The following SPATA16 variants were observed in gnomAD, a reference collection of about 807,000 sequenced individuals.
SPATA16 encodes the protein spermatogenesis associated 16, also known as spermatogenesis-associated protein 16.
In SPATA16, 36 loss-of-function variants were observed where a neutral mutation model predicts 63.3. That is an observed-to-expected ratio of 0.57 (90% confidence interval 0.44 to 0.75). The LOEUF is 0.75. Ranked by LOEUF, SPATA16 falls within the 30% of genes least tolerant of loss-of-function variation. SPATA16 has a pLI of 0.00. For missense variants in SPATA16, 646 were observed against 679.3 expected (o/e 0.95, Z 0.54); for synonymous variants, 203 against 216.7 (o/e 0.94, Z 0.56).
intron 5 of SPATA16, among the ~76,000 whole-genome samples, chr3:172,963,780 C>T (rs1202689145): frequency 6.6e-6 from 1 of 152,040 alleles, no homozygotes; most frequent in Non-Finnish European, 1.5e-5. Context: ...AATCACTAAA[C>T]TTTATAACTA....
At chr3:173,091,007 A>T (rs1023365556) in intron 2 of SPATA16, among the ~76,000 whole-genome samples, 1 of 152,102 alleles carries the variant, frequency 6.6e-6, no homozygotes, top group African/African-American at 2.4e-5. Flanking sequence ...ATTAGGTGGG[A>T]GGACATTGAC....
intron 4 of SPATA16, among the ~76,000 whole-genome samples, chr3:172,978,153 C>CTATATA (rs1372786357): frequency 2.0e-5 from 3 of 148,800 alleles, no homozygotes; most frequent in African/African-American, 7.6e-5. Context: ...CTCTCTCTCT[C>CTATATA]TCTCTCTCTA....
chr3:172,953,791 G>A (rs1237296172), intron 6 of SPATA16, among the ~76,000 whole-genome samples: 1 of 152,128 alleles, frequency 6.6e-6, no homozygotes, highest in Admixed American at 6.5e-5. Flanking sequence ...CAAACCACAG[G>A]GAGAAGAAAA....
chr3:173,024,482 T>A (rs1735406629), intron 3 of SPATA16, among the ~76,000 whole-genome samples: 1 of 151,010 alleles, frequency 6.6e-6, no homozygotes, highest in African/African-American at 2.4e-5. Flanking sequence ...CAAAATGATC[T>A]TGTGGACTTT....
chr3:173,008,187 G>A (rs1219980512), intron 4 of SPATA16, among the ~76,000 whole-genome samples: 1 of 152,142 alleles, frequency 6.6e-6, no homozygotes, highest in Non-Finnish European at 1.5e-5. Flanking sequence ...GTGGCCCTCA[G>A]CCTTCCATGG....
intron 3 of SPATA16, among the ~76,000 whole-genome samples, chr3:173,022,494 C>T (rs1383176562): frequency 6.6e-6 from 1 of 152,008 alleles, no homozygotes; most frequent in Non-Finnish European, 1.5e-5. Flanking sequence ...TATCTTACGC[C>T]CCTGTTAGAT....
chr3:173,093,554 G>A (rs1198049450), intron 2 of SPATA16, among the ~76,000 whole-genome samples: 3 of 151,988 alleles, frequency 2.0e-5, no homozygotes, highest in African/African-American at 4.8e-5. Context: ...ATTGAATGAA[G>A]AAATAAAAAC....
intron 10 of SPATA16, among the ~76,000 whole-genome samples, chr3:172,896,379 C>T (rs560941767): frequency 6.6e-6 from 1 of 152,210 alleles, no homozygotes; most frequent in Admixed American, 6.5e-5. Flanking sequence ...CGCCACCACG[C>T]CTGGCTAATT....
chr3:173,038,464 C>T (rs1202548901), intron 3 of SPATA16, among the ~76,000 whole-genome samples: 1 of 151,942 alleles, frequency 6.6e-6, no homozygotes, highest in Non-Finnish European at 1.5e-5. Flanking sequence ...TTCTTCTAAG[C>T]TAATCTTTTA....
At chr3:173,015,953 C>T (rs1560097252) in intron 4 of SPATA16, among the ~76,000 whole-genome samples, 1 of 152,034 alleles carries the variant, frequency 6.6e-6, no homozygotes, top group Non-Finnish European at 1.5e-5. Context: ...TCTATGTCAA[C>T]ACAGATTTTT....
At chr3:172,948,451 TC>T (rs1367582614) in intron 6 of SPATA16, among the ~76,000 whole-genome samples, 1 of 152,088 alleles carries the variant, frequency 6.6e-6, no homozygotes, top group African/African-American at 2.4e-5. Flanking sequence ...GATTACTTTT[TC>T]TCTTTTTTTC....
intron 2 of SPATA16, among the ~76,000 whole-genome samples, chr3:173,051,369 A>AT (rs766960424): frequency 8.6e-5 from 13 of 151,998 alleles, no homozygotes; most frequent in East Asian, 7.8e-4. Flanking sequence ...CGCCCGGCTA[A>AT]TTTTTTGTAT....
intron 6 of SPATA16, among the ~76,000 whole-genome samples, chr3:172,943,905 A>G (rs116433770): frequency 0.034 from 5,246 of 152,264 alleles, 292 homozygotes; most frequent in African/African-American, 0.12. Flanking sequence ...AAGAGCACAA[A>G]CATGCAAATT....
At chr3:172,974,088 A>C (rs1430326310) in intron 5 of SPATA16, among the ~76,000 whole-genome samples, 1 of 152,102 alleles carries the variant, frequency 6.6e-6, no homozygotes. Context: ...AAATGTTCCT[A>C]ATGCAATTGA....
intron 4 of SPATA16, among the ~76,000 whole-genome samples, chr3:173,004,543 GC>G (rs1252920569): frequency 6.6e-6 from 1 of 151,964 alleles, no homozygotes. Flanking sequence ...TTAACAGTGG[GC>G]TTTCCAAAAA....
chr3:172,890,097 C>T (rs182707544), intron 10 of SPATA16, among the ~76,000 whole-genome samples: 16 of 152,308 alleles, frequency 1.1e-4, no homozygotes, highest in African/African-American at 3.8e-4. Context: ...AAACTTACCT[C>T]CTTCAAAGCC....
chr3:173,140,652 C>T (rs1273451181), intron 1 of SPATA16, among the ~76,000 whole-genome samples: 2 of 152,098 alleles, frequency 1.3e-5, no homozygotes, highest in African/African-American at 2.4e-5. Context: ...GACAACAACC[C>T]GTATCACAAA....
At chr3:172,990,906 C>G (rs147133730) in intron 4 of SPATA16, among the ~76,000 whole-genome samples, 13 of 152,016 alleles carry the variant, frequency 8.6e-5, no homozygotes, top group African/African-American at 3.1e-4. Context: ...AAATCTTGGT[C>G]AAACCATGCT....
intron 10 of SPATA16, among the ~76,000 whole-genome samples, chr3:172,891,381 A>G (rs1230778217): frequency 6.6e-6 from 1 of 152,192 alleles, no homozygotes; most frequent in South Asian, 2.1e-4. Context: ...GAAACACAAG[A>G]TATGTCACTG....
Sources: allele counts gnomAD v4.1 joint callset (sites outside exome capture counted in the v4.1 genomes callset), GRCh38; gene constraint gnomAD v4.1.1; transcripts MANE v1.5; gene names NCBI Gene and HGNC (gene_info 2026-07-23, HGNC 2026-07-21).